The following CDH1 variants were observed in gnomAD, a reference collection of about 807,000 sequenced individuals.
CDH1 encodes the protein cadherin-1.
In CDH1, 35 loss-of-function variants were observed where a neutral mutation model predicts 84.5. That is an observed-to-expected ratio of 0.41 (90% CI 0.32 to 0.55). The LOEUF is 0.55. CDH1 is among the 20% of genes least tolerant of loss of function. CDH1 has a pLI of 0.19. For synonymous variants in CDH1, 417 were observed against 439.0 expected (o/e 0.95, Z 0.63); for missense variants, 994 against 1,126.6 (o/e 0.88, Z 1.68).
At chr16:68,756,130 A>ATTTTTTTTTTTTTTT (rs1491094193) in intron 2 of CDH1, among the ~76,000 whole-genome samples, 1 of 144,090 alleles carries the variant, frequency 6.9e-6, no homozygotes, top group African/African-American at 2.8e-5. Context: ...CATTTAGGGC[A>ATTTTTTTTTTTTTTT]TATTTTTTTT....
intron 10 of CDH1, among the ~76,000 whole-genome samples, chr16:68,816,473 T>G (rs1960989495): frequency 6.6e-6 from 1 of 152,214 alleles, no homozygotes; most frequent in Admixed American, 6.5e-5. Flanking sequence ...GGGTTGGGCA[T>G]AGCAGCTCAT....
At chr16:68,822,639 G>A in intron 12 of CDH1, 1 of 407,704 alleles carries the variant, frequency 2.5e-6, no homozygotes, top group Non-Finnish European at 4.7e-6. Context: ...GCTGTCAACT[G>A]CCTGGTCAAT....
chr16:68,832,859 T>G (rs1265296354), intron 15 of CDH1, among the ~76,000 whole-genome samples: 1 of 152,020 alleles, frequency 6.6e-6, no homozygotes, highest in Non-Finnish European at 1.5e-5. Context: ...AAGTCCTTCC[T>G]TAGTTCCCAC....
At position 68,810,188 on chromosome 16, in the gene CDH1, T is replaced by C; in HGVS notation, c.688-9T>C. Reference sequence around the variant, plus strand: ...CAGAGCTCAAGTCACCCTCACTTGGTTCTTTCAGCTCTTCTCTCACGCTGT... The same window carrying C: ...CAGAGCTCAAGTCACCCTCACTTGGCTCTTTCAGCTCTTCTCTCACGCTGT... On this transcript the variant is annotated splice_polypyrimidine_tract_variant and intron_variant, in intron 5 of 15. Coordinates refer to ENST00000261769, the MANE Select transcript of CDH1 (RefSeq NM_004360.5). 1 of 1,614,140 alleles carries C rather than the reference T, an allele frequency of 6.2e-7. No individual in the cohort carries two copies. Among genetic ancestry groups the C allele is most frequent in the Non-Finnish European group, 8.5e-7 (1 of 1,179,996 alleles).
intron 2 of CDH1, among the ~76,000 whole-genome samples, chr16:68,753,690 G>C (rs926232995): frequency 2.0e-4 from 31 of 152,108 alleles, no homozygotes; most frequent in African/African-American, 7.2e-4. Flanking sequence ...CAGGGTAATG[G>C]CTTAATGGGT....
intron 8 of CDH1, 121 bp from the exon 9 acceptor site, chr16:68,813,191 TG>T: frequency 1.0e-6 from 1 of 998,762 alleles, no homozygotes; most frequent in Non-Finnish European, 1.6e-6. Flanking sequence ...CACTCCAGCC[TG>T]GTGACAGTGA....
At chr16:68,801,582 G>A in intron 2 of CDH1, 88 bp from the exon 3 acceptor site, 1 of 1,061,218 alleles carries the variant, frequency 9.4e-7, no homozygotes. Flanking sequence ...TTTTGTGGGA[G>A]TCTTCCCACA....
chr16:68,833,249 C>A, intron 15 of CDH1, 41 bp from the exon 16 acceptor site: 1 of 1,569,414 alleles, frequency 6.4e-7, no homozygotes, highest in Non-Finnish European at 8.8e-7. Flanking sequence ...CAGGTGTGCC[C>A]TTCCTTTCAC....
chr16:68,835,394 T>G lies in CDH1; in HGVS notation c.*1895T>G, dbSNP rs1157499421. On this transcript the variant is annotated 3_prime_UTR_variant, in exon 16 of 16. Transcript: ENST00000261769. ...ATCGAATATAGTTCTGTGTAGAGAA[T>G]GTCACTGTAGTTTTGAGTGTATACA... The G allele has an allele frequency of 4.5e-6, 1 of 220,794 alleles. No homozygotes were observed. Among genetic ancestry groups the G allele is most frequent in the Non-Finnish European group, 9.1e-6 (1 of 110,064 alleles). The allele number at this position is 220,794 out of a possible 1,614,324, so 13.7% of individuals were successfully genotyped here.
chr16:68,824,225 G>A (rs564955011), intron 13 of CDH1, among the ~76,000 whole-genome samples: 3 of 152,064 alleles, frequency 2.0e-5, no homozygotes, highest in South Asian at 2.1e-4. Flanking sequence ...TCAGACTCCC[G>A]ACCTCAGGTG....
intron 2 of CDH1, among the ~76,000 whole-genome samples, chr16:68,765,821 G>C (rs1959363468): frequency 6.6e-6 from 1 of 151,242 alleles, no homozygotes; most frequent in Non-Finnish European, 1.5e-5. Flanking sequence ...TTTCTATCTT[G>C]TGCCTGGTTT....
At chr16:68,810,163 C>A in intron 5 of CDH1, 34 bp from the exon 6 acceptor site, 1 of 1,613,460 alleles carries the variant, frequency 6.2e-7, no homozygotes, top group Non-Finnish European at 8.5e-7. Flanking sequence ...TCTTCCTCAT[C>A]AGAGCTCAAG....
rs897184945 is a variant in CDH1 at position 68,812,373 on chromosome 16, G to C, written c.1137+110G>C. The stretch of plus-strand genomic sequence containing the variant: ...GTCTTTGAAAACTCTCTCCAGACTA[G>C]AGAATGTTAACTTTAAACTTAAAAG... On this transcript the variant is annotated intron_variant, in intron 8 of 15. Transcript: ENST00000261769. The C allele has an allele frequency of 1.6e-5, 19 of 1,196,496 alleles. 1 individual carries two copies. In the African/African-American group the frequency reaches 2.4e-4, roughly 15 times the overall value. 74.1% of individuals were successfully genotyped at this position (1,196,496 alleles called of 1,614,324 possible). A position where few individuals can be genotyped will look rare whatever the true frequency, so the allele number is the denominator to read the frequency against.
At chr16:68,763,456 A>G (rs1307745154) in intron 2 of CDH1, 1 of 152,194 alleles carries the variant, frequency 6.6e-6, no homozygotes, top group Non-Finnish European at 1.5e-5. Context: ...CACTTTACAG[A>G]TGAAGAGACT....
At chr16:68,783,407 AAAAAG>A (rs1959940939) in intron 2 of CDH1, among the ~76,000 whole-genome samples, 1 of 135,420 alleles carries the variant, frequency 7.4e-6, no homozygotes, top group African/African-American at 2.8e-5. Context: ...AAAAAAAAGA[AAAAAG>A]AAAAAAAGAA....
At chr16:68,830,174 T>C (rs943454577) in intron 15 of CDH1, among the ~76,000 whole-genome samples, 8 of 151,962 alleles carry the variant, frequency 5.3e-5, no homozygotes, top group Non-Finnish European at 1.2e-4. Flanking sequence ...GGCTGGTCTC[T>C]AACTCCTGAC....
rs1240947148 is a variant in CDH1, at chr16:68,815,717, A to G, written c.1523A>G (p.Tyr508Cys). The change falls in exon 10 of 16, where the codon TAC becomes TGC. Residue 508 changes from tyrosine to cysteine, a missense_variant. By Grantham distance (194) the Tyr-to-Cys change is radical. This residue lies in a region of CDH1 where 769 missense variants were observed against 881.8 expected (regional missense o/e 0.87). Transcript: ENST00000261769. ...GGCGTGGGCCAGGAAATCACATCCTACACTGCCCAGGAGCCAGACACATTT... is the reference window on the plus strand; with the variant it reads ...GGCGTGGGCCAGGAAATCACATCCTGCACTGCCCAGGAGCCAGACACATTT... Reference protein sequence around the residue: ...DFGVGQEITSYTAQEPDTFME... With the variant: ...DFGVGQEITSCTAQEPDTFME... 6.2e-7 allele frequency: 1 copy of G among 1,614,252 alleles called. No individual in the cohort carries two copies. Among genetic ancestry groups the G allele is most frequent in the South Asian group, 1.1e-5 (1 of 91,090 alleles).
At chr16:68,801,930 T>C (rs777432748) in intron 3 of CDH1, 37 bp downstream of exon 3, 7 of 1,522,750 alleles carry the variant, frequency 4.6e-6, no homozygotes, top group Non-Finnish European at 6.4e-6. Flanking sequence ...CGCTGTTGTT[T>C]TAGTGCGCTG....
At chr16:68,789,511 G>A (rs1960153969) in intron 2 of CDH1, among the ~76,000 whole-genome samples, 1 of 151,788 alleles carries the variant, frequency 6.6e-6, no homozygotes, top group Admixed American at 6.6e-5. Context: ...TTGTGCGATT[G>A]GCTCATCTTT....
Sources: allele counts gnomAD v4.1 joint callset (sites outside exome capture counted in the v4.1 genomes callset), GRCh38; gene constraint gnomAD v4.1.1; regional missense constraint gnomAD v4.1.1; transcripts MANE v1.5; gene names NCBI Gene and HGNC (gene_info 2026-07-23, HGNC 2026-07-21).